The following OTC variants were observed in gnomAD, a reference collection of about 807,000 sequenced individuals.
The protein encoded by OTC is ornithine transcarbamylase.
A neutral mutation model predicts 30.3 loss-of-function variants in OTC; 3 were observed. The ratio of observed to expected loss-of-function variants is 0.10; its 90% CI spans 0.05 to 0.26. The LOEUF (loss-of-function observed/expected upper bound fraction) is 0.26, where lower values mean the gene tolerates loss of function less well. OTC is among the 10% of genes least tolerant of loss of function. OTC has a pLI of 1.00. For missense variants in OTC, 194 were observed against 260.3 expected, an observed-to-expected ratio of 0.75 and a Z score of 1.75; for synonymous variants, 111 against 99.7, an observed-to-expected ratio of 1.11 and a Z score of -0.67.
chrX:38,352,957 C>T (rs143498020), intron 1 of OTC, among the ~76,000 whole-genome samples, 184 bp downstream of exon 1: 12 of 112,148 alleles, frequency 1.1e-4, no homozygotes, highest in African/African-American at 3.9e-4. Flanking sequence ...CAGATTTCAC[C>T]GTGTGCTGTA....
chrX:38,352,522 C>G (rs1460482968), upstream of OTC: 4 of 454,926 alleles, frequency 8.8e-6, no homozygotes, highest in Middle Eastern at 5.9e-4. Context: ...GCTCCTACAC[C>G]CTGCCCTGCA....
At chrX:38,338,265 A>G in the OTC span, among the ~76,000 whole-genome samples, 1 of 112,365 alleles carries the variant, frequency 8.9e-6, no homozygotes. Context: ...GTTATAAGAA[A>G]TAGCCACCTC....
Position 38,421,141 on chromosome X carries a change from A to T in OTC, c.*59A>T. 1 of 829,301 alleles carries T rather than the reference A, an allele frequency of 1.2e-6. No individual in the cohort carries two copies. Among genetic ancestry groups the T allele is most frequent in the African/African-American group, 2.0e-5 (1 of 50,472 alleles). The allele number at this position is 829,301 out of a possible 1,213,427, so 68.3% of individuals were successfully genotyped here. ...CTTCAGTAACAGAATGAGTTGGTTTATGGGGAAAAGAGAAGAGAATCTAAA... is the reference window on the plus strand; with the variant it reads ...CTTCAGTAACAGAATGAGTTGGTTTTTGGGGAAAAGAGAAGAGAATCTAAA... On this transcript the variant is annotated 3_prime_UTR_variant, in exon 10 of 10. Transcript: ENST00000039007.
intron 6 of OTC, among the ~76,000 whole-genome samples, chrX:38,405,575 G>T (rs1287630444): frequency 9.0e-6 from 1 of 110,618 alleles, no homozygotes; most frequent in Non-Finnish European, 1.9e-5. Flanking sequence ...TCCACATAAG[G>T]TCACATTCTG....
intron 3 of OTC, among the ~76,000 whole-genome samples, chrX:38,370,638 G>C (rs1430505356): frequency 9.0e-6 from 1 of 111,423 alleles, no homozygotes; most frequent in Non-Finnish European, 1.9e-5. Flanking sequence ...ATTTGCGCGG[G>C]GAAGAGCTGG....
intron 1 of OTC, among the ~76,000 whole-genome samples, chrX:38,363,135 G>T (rs2068279973): frequency 9.0e-6 from 1 of 111,581 alleles, no homozygotes; most frequent in Non-Finnish European, 1.9e-5. Context: ...TTGAACTCAA[G>T]ACAAAAAATT....
chrX:38,347,845 T>C (rs1382216314), upstream of OTC, among the ~76,000 whole-genome samples: 4 of 111,872 alleles, frequency 3.6e-5, no homozygotes, highest in Admixed American at 3.8e-4. Flanking sequence ...AGAGGTCACA[T>C]TTGATCTTCA....
At chrX:38,371,500 C>T (rs764776225) in intron 3 of OTC, among the ~76,000 whole-genome samples, 4 of 111,849 alleles carry the variant, frequency 3.6e-5, no homozygotes, top group East Asian at 2.8e-4. Context: ...TTCTACCTTA[C>T]GAGTGTCAGA....
chrX:38,415,801 G>A (rs1361608799), intron 9 of OTC, among the ~76,000 whole-genome samples: 1 of 112,233 alleles, frequency 8.9e-6, no homozygotes, highest in Non-Finnish European at 1.9e-5. Flanking sequence ...GTTGCAGTGA[G>A]CCAAGATCGT....
In OTC at chrX:38,400,906, T is replaced by C. The variant is rs995558784; in HGVS notation, c.387-369T>C. Among the ~76,000 whole-genome samples the C allele has an allele frequency of 2.7e-5, 3 of 112,540 alleles. No individual in the cohort carries two copies. In the Admixed American group the frequency reaches 2.8e-4, roughly 11 times the overall value. On this transcript the variant is annotated intron_variant, in intron 4 of 9. Coordinates refer to ENST00000039007, the MANE Select transcript of OTC (RefSeq NM_000531.6). ...GAAAATGTATCTTTTTTCTGTTGGA[T>C]GATGTGAAAGAAAATTAGCCATATG... is the stretch of plus-strand genomic sequence containing the variant.
intron 3 of OTC, 50 bp from the exon 4 acceptor site, chrX:38,381,292 C>A: frequency 1.1e-6 from 1 of 936,698 alleles, no homozygotes; most frequent in Non-Finnish European, 1.5e-6. Context: ...TTTTGTTTTC[C>A]ACTTTAGTTG....
At position 38,401,422 on chromosome X, in the gene OTC, G is replaced by A. The variant is rs775895740; in HGVS notation, c.534G>A (p.Thr178=). 77 of 1,202,150 alleles carry A rather than the reference G, an allele frequency of 6.4e-5. No individual in the cohort carries two copies. The highest frequency in any genetic ancestry group is 2.6e-4 in the Admixed American group (12 of 45,686). The change falls in exon 5 of 10, where the codon ACG becomes ACA. Residue 178 remains threonine (T), a synonymous_variant. Transcript: ENST00000039007. ...HPIQILADYL[T]LQEHYSSLKG... ...TCCAGATCCTGGCTGATTACCTCAC[G>A]CTCCAGGTTGGTTTATTTATTTGTC...
intron 1 of OTC, among the ~76,000 whole-genome samples, chrX:38,357,125 G>A (rs771317053): frequency 9.0e-6 from 1 of 111,592 alleles, no homozygotes; most frequent in South Asian, 3.8e-4. Context: ...CGCTAATTTC[G>A]TTCACTTTAT....
intron 5 of OTC, 139 bp downstream of exon 5, chrX:38,401,567 T>C (rs1386571790): frequency 3.4e-5 from 18 of 529,874 alleles, no homozygotes; most frequent in Non-Finnish European, 5.2e-5. Context: ...AGCTTGTGTG[T>C]GCATTTTCTG....
chrX:38,343,230 T>C, the OTC span, among the ~76,000 whole-genome samples: 1 of 111,894 alleles, frequency 8.9e-6, no homozygotes, highest in African/African-American at 3.2e-5. Flanking sequence ...ATCACTCAGG[T>C]CCTGGGAGTG....
At chrX:38,344,405 A>T in the OTC span, among the ~76,000 whole-genome samples, 1 of 111,690 alleles carries the variant, frequency 9.0e-6, no homozygotes, top group South Asian at 3.7e-4. Context: ...AACAGAGCAG[A>T]GCTTTACAGC....
At chrX:38,336,704 C>T in the OTC span, among the ~76,000 whole-genome samples, 1 of 109,635 alleles carries the variant, frequency 9.1e-6, no homozygotes, top group Non-Finnish European at 1.9e-5. Context: ...TTCAATTGGC[C>T]GAGGCTAGTT....
At chrX:38,405,760 G>A (rs991418451) in intron 6 of OTC, among the ~76,000 whole-genome samples, 1 of 111,700 alleles carries the variant, frequency 9.0e-6, no homozygotes, top group Admixed American at 9.5e-5. Flanking sequence ...ACTGAAATAA[G>A]GGTCAGATCC....
At chrX:38,358,484 C>A (rs2068253215) in intron 1 of OTC, among the ~76,000 whole-genome samples, 1 of 110,904 alleles carries the variant, frequency 9.0e-6, no homozygotes, top group South Asian at 3.8e-4. Flanking sequence ...TTCTCGATAT[C>A]TATGAAAAAC....
Sources: gnomAD v4.1 joint callset for allele counts (sites outside exome capture counted in the v4.1 genomes callset) on GRCh38, gnomAD v4.1.1 for gene constraint, MANE v1.5 for transcripts, NCBI Gene and HGNC (gene_info 2026-07-23, HGNC 2026-07-21) for gene names.